The following KIRREL3 variants were observed in gnomAD, a reference collection of about 807,000 sequenced individuals.
The protein encoded by KIRREL3 is kin of IRRE-like protein 3.
A neutral mutation model predicts 89.7 loss-of-function variants in KIRREL3; 36 were observed. That is an observed-to-expected ratio of 0.40 (90% confidence interval 0.31 to 0.53). KIRREL3 has a LOEUF of 0.53. KIRREL3 is among the 20% of genes least tolerant of loss of function. KIRREL3 has a pLI of 0.49. For synonymous variants in KIRREL3, 445 were observed against 441.4 expected (o/e 1.01, Z -0.10); for missense variants, 864 against 1,056.6 (o/e 0.82, Z 2.53).
chr11:126,492,523 G>A lies in KIRREL3; in HGVS notation c.434-19057C>T, dbSNP rs1026904598. Among the ~76,000 whole-genome samples the A allele has an allele frequency of 6.6e-6, 1 of 152,196 alleles. No homozygotes were observed. Among genetic ancestry groups the A allele is most frequent in the African/African-American group, 2.4e-5 (1 of 41,450 alleles). On this transcript the variant is annotated intron_variant, in intron 4 of 16. Coordinates refer to ENST00000525144, the MANE Select transcript of KIRREL3 (RefSeq NM_032531.4). This position sits in a 1 kb window ranked among gnomAD's most constrained non-coding sequence, Gnocchi z 4.8. Reference sequence around the variant, plus strand: ...ATCTGTAGGGGCCGAGGGGCTAGGGGAGCATGGGGCTGGAGTGGGAAGGAG... The same window carrying A: ...ATCTGTAGGGGCCGAGGGGCTAGGGAAGCATGGGGCTGGAGTGGGAAGGAG...
intron 1 of KIRREL3, among the ~76,000 whole-genome samples, chr11:126,914,393 A>G (rs1242550347): frequency 6.6e-6 from 1 of 152,256 alleles, no homozygotes; most frequent in African/African-American, 2.4e-5. Flanking sequence ...TTCCATTCTC[A>G]GAGAATTTAT....
rs375724006 is a variant in KIRREL3, at chr11:126,788,209, G to T, written c.55+212246C>A. ...CAAATGCACAATCTGGAAGGAAATC[G>T]TTTCTAACCATCTCTTTTTCATTCC... On this transcript the variant is annotated intron_variant, in intron 1 of 16. Transcript: ENST00000525144. This position sits in a 1 kb window ranked among gnomAD's most constrained non-coding sequence, Gnocchi z 4.1. 2.0e-5 allele frequency among the ~76,000 whole-genome samples: 3 copies of T among 152,202 alleles called. No individual in the cohort carries two copies. In the East Asian group the frequency reaches 5.8e-4, roughly 29 times the overall value.
intron 1 of KIRREL3, among the ~76,000 whole-genome samples, chr11:126,637,982 C>T (rs1394486754): frequency 2.6e-5 from 4 of 152,194 alleles, no homozygotes; most frequent in Non-Finnish European, 5.9e-5. Flanking sequence ...GAGGGAAATG[C>T]TTAAATATTG....
intron 1 of KIRREL3, among the ~76,000 whole-genome samples, chr11:126,847,309 A>G (rs532010948): frequency 6.6e-6 from 1 of 151,848 alleles, no homozygotes; most frequent in African/African-American, 2.4e-5. Flanking sequence ...ATTATCAGTA[A>G]TAATAAGAAT....
At chr11:126,560,827 A>G (rs1257740198) in intron 2 of KIRREL3, among the ~76,000 whole-genome samples, 1 of 152,236 alleles carries the variant, frequency 6.6e-6, no homozygotes, top group Non-Finnish European at 1.5e-5. Flanking sequence ...AGCAACTGGG[A>G]GAAAAATAAT....
At chr11:126,543,291 G>C (rs375600793) in intron 2 of KIRREL3, among the ~76,000 whole-genome samples, 78 of 152,342 alleles carry the variant, frequency 5.1e-4, no homozygotes, top group African/African-American at 1.7e-3. Context: ...TGGAGAGGGA[G>C]TGTGAGGACT....
rs147284824 is a variant in KIRREL3, at chr11:126,611,968, T to A, written c.56-49056A>T. Among the ~76,000 whole-genome samples, 54 of 152,312 alleles carry A rather than the reference T, an allele frequency of 3.5e-4. No individual in the cohort carries two copies. The highest frequency in any genetic ancestry group is 1.2e-3 in the African/African-American group (50 of 41,562). On this transcript the variant is annotated intron_variant, in intron 1 of 16. Coordinates refer to ENST00000525144, the MANE Select transcript of KIRREL3 (RefSeq NM_032531.4). The surrounding 1 kb of genome is among the most constrained non-coding windows in gnomAD (Gnocchi z 4.7). The stretch of plus-strand genomic sequence containing the variant: ...CTTCAACATGTGTGCTTGTTGCCCC[T>A]TGGAGCCCACCTCCTCAAGCAAGCC...
chr11:126,988,523 A>G (rs1395863774), intron 1 of KIRREL3: 1 of 152,738 alleles, frequency 6.5e-6, no homozygotes, highest in Non-Finnish European at 1.5e-5. Flanking sequence ...AATTTCAGAA[A>G]TACTGGTGCC....
chr11:126,899,213 T>A (rs1053668823), intron 1 of KIRREL3, among the ~76,000 whole-genome samples: 2 of 152,096 alleles, frequency 1.3e-5, no homozygotes, highest in South Asian at 4.1e-4. Context: ...GCATTGACTT[T>A]TTGACTTGGG....
chr11:126,916,088 C>A (rs1490530117), intron 1 of KIRREL3, among the ~76,000 whole-genome samples: 1 of 152,144 alleles, frequency 6.6e-6, no homozygotes, highest in Non-Finnish European at 1.5e-5. Flanking sequence ...ACAGTGCTTC[C>A]ACACCTAGTG....
intron 1 of KIRREL3, among the ~76,000 whole-genome samples, chr11:126,926,454 C>T (rs2135026779): frequency 6.6e-6 from 1 of 152,284 alleles, no homozygotes; most frequent in Admixed American, 6.5e-5. Flanking sequence ...CACCTTCCTC[C>T]CTGGGCTCTG....
Position 126,463,376 on chromosome 11 carries a change from G to A in KIRREL3, c.592-69C>T. The A allele has an allele frequency of 6.7e-7, 1 of 1,499,420 alleles. No homozygotes were observed. Among genetic ancestry groups the A allele is most frequent in the Non-Finnish European group, 9.1e-7 (1 of 1,098,612 alleles). The allele number at this position is 1,499,420 out of a possible 1,614,324, so 92.9% of individuals were successfully genotyped here. On this transcript the variant is annotated intron_variant, in intron 5 of 16. Coordinates refer to ENST00000525144, the MANE Select transcript of KIRREL3 (RefSeq NM_032531.4). This position sits in a 1 kb window ranked among gnomAD's most constrained non-coding sequence, Gnocchi z 5.9. ...GCTGGGGTGGCCAGCCTGGGTTGGG[G>A]GTAAACGAGCACCAGCTTAGACAGA...
In KIRREL3 at chr11:126,490,135, A is replaced by G. The variant is rs1957471011; in HGVS notation, c.434-16669T>C. ...GATGGGCATTCGTGTTTGTGGCCAG[A>G]GGCATACATAATCCAAATCTGGTGT... On this transcript the variant is annotated intron_variant, in intron 4 of 16. Transcript: ENST00000525144. This position sits in a 1 kb window ranked among gnomAD's most constrained non-coding sequence, Gnocchi z 4.2. 6.7e-6 allele frequency among the ~76,000 whole-genome samples: 1 copy of G among 149,466 alleles called. No homozygotes were observed. Among genetic ancestry groups the G allele is most frequent in the African/African-American group, 2.5e-5 (1 of 40,526 alleles).
chr11:126,841,035 T>C (rs1275386005), intron 1 of KIRREL3, among the ~76,000 whole-genome samples: 1 of 152,276 alleles, frequency 6.6e-6, no homozygotes, highest in African/African-American at 2.4e-5. Flanking sequence ...TGTTCTATTA[T>C]GTGATTGTTG....
intron 1 of KIRREL3, among the ~76,000 whole-genome samples, chr11:126,951,183 G>A (rs962142977): frequency 1.3e-5 from 2 of 152,158 alleles, no homozygotes; most frequent in Non-Finnish European, 2.9e-5. Context: ...ATAGTAATAA[G>A]GATAGCTTCA....
rs769712734 is a variant in KIRREL3 at position 126,498,034 on chromosome 11, T to G, written c.433+23281A>C. On this transcript the variant is annotated intron_variant, in intron 4 of 16. Transcript: ENST00000525144. This position sits in a 1 kb window ranked among gnomAD's most constrained non-coding sequence, Gnocchi z 4.3. ...GGCTCAGTAAAAAGTGTCTTCTCCA[T>G]TTTATGGACAAGGAAGCAGAGGCTC... 3.9e-5 allele frequency among the ~76,000 whole-genome samples: 6 copies of G among 152,176 alleles called. No homozygotes were observed. The highest frequency in any genetic ancestry group is 7.3e-5 in the Non-Finnish European group (5 of 68,028).
intron 1 of KIRREL3, among the ~76,000 whole-genome samples, chr11:126,932,647 G>T (rs1020426275): frequency 6.6e-6 from 1 of 152,180 alleles, no homozygotes; most frequent in Non-Finnish European, 1.5e-5. Flanking sequence ...CAGGAAATGT[G>T]CTTCTGCTGT....
intron 1 of KIRREL3, among the ~76,000 whole-genome samples, chr11:126,646,350 G>A (rs1429080001): frequency 6.6e-6 from 1 of 151,922 alleles, no homozygotes; most frequent in Non-Finnish European, 1.5e-5. Flanking sequence ...CAGTATTTCT[G>A]ATCTGCAGTT....
intron 1 of KIRREL3, among the ~76,000 whole-genome samples, chr11:126,809,264 A>G (rs1951304028): frequency 6.6e-6 from 1 of 152,180 alleles, no homozygotes; most frequent in African/African-American, 2.4e-5. Context: ...TGAAGAGAAG[A>G]TGGAATCTCC....
Sources: gnomAD v4.1 joint callset for allele counts (sites outside exome capture counted in the v4.1 genomes callset) on GRCh38, gnomAD v4.1.1 for gene constraint, Gnocchi (gnomAD v3.1) non-coding constraint, MANE v1.5 for transcripts, NCBI Gene and HGNC (gene_info 2026-07-23, HGNC 2026-07-21) for gene names.